Variants in MDH1B observed in about 807,000 individuals in gnomAD.
MDH1B encodes the protein putative malate dehydrogenase 1B.
A neutral mutation model predicts 61.4 loss-of-function variants in MDH1B; 60 were observed. The ratio of observed to expected loss-of-function variants is 0.98; its 90% CI spans 0.79 to 1.21. The LOEUF is 1.21. Among genes scored for constraint, MDH1B ranks in the 50% most tolerant of loss-of-function variants. MDH1B has a pLI of 0.00. For synonymous variants in MDH1B, 236 were observed against 218.7 expected (o/e 1.08, Z -0.70); for missense variants, 587 against 632.1 (o/e 0.93, Z 0.76).
At chr2:206,741,571 C>T (rs1237434755) in intron 9 of MDH1B, among the ~76,000 whole-genome samples, 1 of 152,192 alleles carries the variant, frequency 6.6e-6, no homozygotes, top group Non-Finnish European at 1.5e-5. Context: ...TGCTTCCTGC[C>T]CTCAAACATT....
chr2:206,759,802 T>G (rs1170111279), intron 2 of MDH1B, among the ~76,000 whole-genome samples: 1 of 152,168 alleles, frequency 6.6e-6, no homozygotes, highest in Non-Finnish European at 1.5e-5. Context: ...TAGAGGCCAG[T>G]GGGCAGTGCC....
At chr2:206,756,301 G>A (rs1277784167) in intron 4 of MDH1B, among the ~76,000 whole-genome samples, 2 of 152,022 alleles carry the variant, frequency 1.3e-5, no homozygotes, top group Non-Finnish European at 2.9e-5. Context: ...TTTTAAAAAT[G>A]AGTATATATT....
intron 2 of MDH1B, among the ~76,000 whole-genome samples, chr2:206,759,952 C>T (rs1688993146): frequency 6.6e-6 from 1 of 152,210 alleles, no homozygotes. Context: ...TGATGACTGT[C>T]AGTTTGGCCC....
chr2:206,749,305 C>A lies in MDH1B; in HGVS notation c.1053-122G>T, dbSNP rs750876996. ...ATCCACAGTCAAAATAGAAATACAGCTTTATTTCTAGTGTCTTTCCTCAAG... is the reference window on the plus strand; with the variant it reads ...ATCCACAGTCAAAATAGAAATACAGATTTATTTCTAGTGTCTTTCCTCAAG... On this transcript the variant is annotated intron_variant, in intron 6 of 11. Transcript: ENST00000374412. 4.0e-6 allele frequency: 3 copies of A among 758,116 alleles called. No homozygotes were observed. In the African/African-American group the frequency reaches 5.3e-5, roughly 13 times the overall value. 47.0% of individuals were successfully genotyped at this position (758,116 alleles called of 1,614,324 possible). A position where few individuals can be genotyped will look rare whatever the true frequency, so the allele number is the denominator to read the frequency against.
chr2:206,764,797 A>C (rs2105964902), intron 1 of MDH1B, among the ~76,000 whole-genome samples: 1 of 151,978 alleles, frequency 6.6e-6, no homozygotes, highest in Admixed American at 6.5e-5. Context: ...ACATATCCAG[A>C]TCTTCTGTTA....
chr2:206,751,238 G>A (rs920810540), intron 5 of MDH1B, among the ~76,000 whole-genome samples, 163 bp from the exon 6 acceptor site: 9 of 152,234 alleles, frequency 5.9e-5, no homozygotes, highest in African/African-American at 2.2e-4. Flanking sequence ...AAATTGTGTG[G>A]ATCACCTCCC....
intron 5 of MDH1B, among the ~76,000 whole-genome samples, chr2:206,752,239 T>C (rs1234442262): frequency 6.6e-6 from 1 of 152,204 alleles, no homozygotes; most frequent in Non-Finnish European, 1.5e-5. Flanking sequence ...TTGCCTTTTC[T>C]CTTTTCAAAA....
chr2:206,753,505 C>T (rs1688571952), intron 5 of MDH1B, among the ~76,000 whole-genome samples: 1 of 152,184 alleles, frequency 6.6e-6, no homozygotes, highest in African/African-American at 2.4e-5. Flanking sequence ...CGAGCCAATA[C>T]ACATGGTCTG....
Position 206,757,013 on chromosome 2 carries a change from T to C in MDH1B, c.298A>G (p.Thr100Ala). ...GCAATTACCATCATCAGTTCAGTCGTCATGCTAGAGGTGACATCATAGTAA... is the reference window on the plus strand; with the variant it reads ...GCAATTACCATCATCAGTTCAGTCGCCATGCTAGAGGTGACATCATAGTAA... ...QLYYDVTSSM[T>A]TELMMVIAQE... Residue 100 changes from threonine to alanine, a missense_variant, in exon 4 of 12, where the codon ACG (threonine) becomes GCG (alanine). Transcript: ENST00000374412. 1 of 1,613,890 alleles carries C rather than the reference T, an allele frequency of 6.2e-7. No individual in the cohort carries two copies. Among genetic ancestry groups the C allele is most frequent in the Non-Finnish European group, 8.5e-7 (1 of 1,179,804 alleles).
intron 5 of MDH1B, among the ~76,000 whole-genome samples, 172 bp from the exon 6 acceptor site, chr2:206,751,247 C>T (rs930647858): frequency 6.6e-6 from 1 of 151,960 alleles, no homozygotes; most frequent in Non-Finnish European, 1.5e-5. Flanking sequence ...GGATCACCTC[C>T]CTAACTGTCA....
At chr2:206,750,697 A>T (rs564985817) in intron 6 of MDH1B, among the ~76,000 whole-genome samples, 2 of 152,304 alleles carry the variant, frequency 1.3e-5, no homozygotes, top group South Asian at 4.1e-4. Flanking sequence ...CCTTACTTGA[A>T]TATATGAACT....
Position 206,755,240 on chromosome 2 carries a change from C to T in MDH1B, c.679G>A (p.Asp227Asn). 2 of 1,614,184 alleles carry T rather than the reference C, an allele frequency of 1.2e-6. No individual in the cohort carries two copies. Among genetic ancestry groups the T allele is most frequent in the Non-Finnish European group, 1.7e-6 (2 of 1,180,034 alleles). The change falls in exon 5 of 12, where the codon GAC becomes AAC. Residue 227 changes from aspartate to asparagine, a missense_variant. By Grantham distance (23) the Asp-to-Asn change is conservative. Coordinates refer to ENST00000374412, the MANE Select transcript of MDH1B (RefSeq NM_001039845.3). ...STNKEVFTLE[D>N]CLRSRVPLCR... The stretch of plus-strand genomic sequence containing the variant: ...AGAGGCACCCTGCTTCGGAGGCAGT[C>T]CTCCAGAGTGAACACCTCCTTGTTG...
intron 7 of MDH1B, among the ~76,000 whole-genome samples, chr2:206,747,659 A>T (rs1303630255): frequency 6.6e-6 from 1 of 152,214 alleles, no homozygotes; most frequent in Non-Finnish European, 1.5e-5. Flanking sequence ...AACTAATCAT[A>T]CTATCAAAAA....
At chr2:206,763,958 G>A (rs1689265847) in intron 1 of MDH1B, among the ~76,000 whole-genome samples, 1 of 152,078 alleles carries the variant, frequency 6.6e-6, no homozygotes, top group South Asian at 2.1e-4. Context: ...AACATTCTCT[G>A]TGTGTTTTCC....
chr2:206,741,599 A>G (rs915571519), intron 9 of MDH1B, among the ~76,000 whole-genome samples: 1 of 152,164 alleles, frequency 6.6e-6, no homozygotes, highest in East Asian at 1.9e-4. Flanking sequence ...AAGTTTTTCA[A>G]TTTTGAGACT....
intron 1 of MDH1B, among the ~76,000 whole-genome samples, chr2:206,764,170 T>C (rs1689282501): frequency 6.6e-6 from 1 of 151,976 alleles, no homozygotes. Flanking sequence ...TGCTGGTGTA[T>C]GCCTGTAGTC....
At chr2:206,748,474 A>G (rs1414383564) in intron 7 of MDH1B, among the ~76,000 whole-genome samples, 2 of 152,200 alleles carry the variant, frequency 1.3e-5, no homozygotes, top group Non-Finnish European at 2.9e-5. Context: ...TCGTGGATGG[A>G]GAGCAACCTT....
rs1325406768 is a variant in MDH1B, at chr2:206,751,963, C to T, written c.911-888G>A. Among the ~76,000 whole-genome samples, 3 of 152,318 alleles carry T rather than the reference C, an allele frequency of 2.0e-5. No homozygotes were observed. The East Asian group carries it at 5.8e-4, about 29-fold the overall frequency. Reference sequence around the variant, plus strand: ...TTCCCTCTTCTCCTGTATAAGATTGCTTTTGTCTTCAACTAACAGAATATC... The same window carrying T: ...TTCCCTCTTCTCCTGTATAAGATTGTTTTTGTCTTCAACTAACAGAATATC... On this transcript the variant is annotated intron_variant, in intron 5 of 11. Transcript: ENST00000374412.
rs772021811 is a variant in MDH1B, at chr2:206,755,532, G to C, written c.414-27C>G. On this transcript the variant is annotated intron_variant, in intron 4 of 11. Transcript: ENST00000374412. ...TGATAAAAATGCAAAGCCGCATTGT[G>C]AATAGTTATATCCTTTGTCCCTTTT... The C allele has an allele frequency of 1.6e-5, 26 of 1,591,266 alleles. No individual in the cohort carries two copies. The South Asian group carries it at 2.9e-4, about 18-fold the overall frequency.
Sources: allele counts gnomAD v4.1 joint callset (sites outside exome capture counted in the v4.1 genomes callset), GRCh38; gene constraint gnomAD v4.1.1; transcripts MANE v1.5; gene names NCBI Gene and HGNC (gene_info 2026-07-23, HGNC 2026-07-21).